The following NDUFS4 variants were observed in gnomAD, a reference collection of about 807,000 sequenced individuals.
NDUFS4 encodes NADH dehydrogenase [ubiquinone] iron-sulfur protein 4, mitochondrial.
A neutral mutation model predicts 24.3 loss-of-function variants in NDUFS4; 28 were observed. The ratio of observed to expected loss-of-function variants is 1.15; its 90% CI spans 0.85 to 1.58. The LOEUF is 1.58. NDUFS4 is among the 40% of genes most tolerant of loss of function. The pLI is 0.00. For missense variants in NDUFS4, 223 were observed against 207.9 expected (o/e 1.07, Z -0.45); for synonymous variants, 93 against 69.7 (o/e 1.34, Z -1.67).
intron 1 of NDUFS4, among the ~76,000 whole-genome samples, chr5:53,569,888 AC>A (rs1391172190): frequency 1.3e-5 from 2 of 152,104 alleles, no homozygotes; most frequent in African/African-American, 4.8e-5. Flanking sequence ...TATGTACTGT[AC>A]TTTTATTTAA....
intron 1 of NDUFS4, among the ~76,000 whole-genome samples, chr5:53,572,793 T>G (rs1323862426): frequency 6.6e-6 from 1 of 151,640 alleles, no homozygotes; most frequent in East Asian, 2.0e-4. Flanking sequence ...TACAGGCATG[T>G]GCCACCATGC....
chr5:53,659,886 C>T (rs1475396902), intron 4 of NDUFS4, among the ~76,000 whole-genome samples: 3 of 152,080 alleles, frequency 2.0e-5, no homozygotes, highest in Non-Finnish European at 4.4e-5. Flanking sequence ...TCTATTTCCT[C>T]ATACGTGCAA....
chr5:53,659,242 T>C (rs1213076004), intron 4 of NDUFS4, among the ~76,000 whole-genome samples: 5 of 152,198 alleles, frequency 3.3e-5, no homozygotes, highest in Non-Finnish European at 7.4e-5. Flanking sequence ...TTGATCTTGC[T>C]ATCAACAAAA....
At chr5:53,568,523 T>C (rs1004028793) in intron 1 of NDUFS4, among the ~76,000 whole-genome samples, 1 of 152,204 alleles carries the variant, frequency 6.6e-6, no homozygotes, top group African/African-American at 2.4e-5. Context: ...TTTATGCTTT[T>C]CACCCATGCA....
intron 1 of NDUFS4, among the ~76,000 whole-genome samples, chr5:53,597,123 A>T (rs256081): frequency 0.23 from 34,437 of 151,944 alleles, 4,770 homozygotes; most frequent in East Asian, 0.46. Context: ...TTCATGTCCA[A>T]CATACCTCAC....
intron 4 of NDUFS4, among the ~76,000 whole-genome samples, chr5:53,667,380 G>A (rs185372573): frequency 1.1e-3 from 166 of 151,756 alleles, no homozygotes; most frequent in African/African-American, 3.7e-3. Context: ...CAGGAGAATC[G>A]CTTGAACCCG....
At chr5:53,583,908 A>G (rs1450701337) in intron 1 of NDUFS4, among the ~76,000 whole-genome samples, 3 of 152,240 alleles carry the variant, frequency 2.0e-5, no homozygotes, top group Non-Finnish European at 4.4e-5. Context: ...GCACATAATA[A>G]GTACAAAATG....
chr5:53,632,164 G>A (rs572835893), intron 2 of NDUFS4, among the ~76,000 whole-genome samples: 10 of 152,182 alleles, frequency 6.6e-5, no homozygotes, highest in Non-Finnish European at 1.3e-4. Context: ...TGGCCATCTT[G>A]CCAGAAAATA....
At chr5:53,593,379 T>C (rs1750034742) in intron 1 of NDUFS4, among the ~76,000 whole-genome samples, 2 of 151,864 alleles carry the variant, frequency 1.3e-5, no homozygotes, top group African/African-American at 4.8e-5. Context: ...ATGATACCTG[T>C]TTCATTTTAT....
intron 2 of NDUFS4, among the ~76,000 whole-genome samples, chr5:53,609,274 C>T (rs747762472): frequency 1.2e-4 from 18 of 152,206 alleles, no homozygotes; most frequent in Non-Finnish European, 2.2e-4. Context: ...CAAAATTACT[C>T]CTTGGTCCAC....
intron 2 of NDUFS4, among the ~76,000 whole-genome samples, chr5:53,641,289 C>T (rs1234913351): frequency 2.6e-5 from 4 of 152,058 alleles, no homozygotes; most frequent in African/African-American, 9.7e-5. Context: ...CCAAGGCTTT[C>T]CTGCTCAGAA....
intron 1 of NDUFS4, among the ~76,000 whole-genome samples, chr5:53,562,655 G>C (rs1748885461): frequency 6.6e-6 from 1 of 151,978 alleles, no homozygotes; most frequent in Non-Finnish European, 1.5e-5. Context: ...TTTACCCTAA[G>C]AGCTTGTCAT....
intron 2 of NDUFS4, among the ~76,000 whole-genome samples, chr5:53,621,793 C>T (rs536906559): frequency 6.7e-6 from 1 of 150,092 alleles, no homozygotes; most frequent in East Asian, 2.0e-4. Context: ...GCTCCGCCTC[C>T]CGGGTTCACG....
intron 4 of NDUFS4, among the ~76,000 whole-genome samples, chr5:53,672,278 A>G (rs545591405): frequency 4.6e-5 from 7 of 152,290 alleles, no homozygotes; most frequent in Admixed American, 1.3e-4. Context: ...CATGACTTTC[A>G]TATAGGTATA....
At chr5:53,599,683 T>G (rs993771856) in intron 1 of NDUFS4, among the ~76,000 whole-genome samples, 1 of 152,188 alleles carries the variant, frequency 6.6e-6, no homozygotes, top group Non-Finnish European at 1.5e-5. Context: ...CTTTTAGATG[T>G]TGATTCCTTA....
At chr5:53,609,794 A>G (rs1750641570) in intron 2 of NDUFS4, among the ~76,000 whole-genome samples, 1 of 114,972 alleles carries the variant, frequency 8.7e-6, no homozygotes, top group South Asian at 3.2e-4. Context: ...TTGCACTTTT[A>G]TATTATATAG....
chr5:53,662,397 A>G (rs1752370497), intron 4 of NDUFS4, among the ~76,000 whole-genome samples: 1 of 152,172 alleles, frequency 6.6e-6, no homozygotes, highest in Non-Finnish European at 1.5e-5. Flanking sequence ...TCGGTTTGCC[A>G]GTATTTTATT....
intron 4 of NDUFS4, among the ~76,000 whole-genome samples, chr5:53,681,281 T>G (rs1740655678): frequency 6.6e-6 from 1 of 152,112 alleles, no homozygotes; most frequent in Non-Finnish European, 1.5e-5. Context: ...TTACCTAACC[T>G]CTCTGAGCCT....
chr5:53,671,290 C>A (rs1269216721), intron 4 of NDUFS4, among the ~76,000 whole-genome samples: 1 of 152,024 alleles, frequency 6.6e-6, no homozygotes, highest in East Asian at 1.9e-4. Flanking sequence ...CAGCTTATAT[C>A]TTTTTTGCAT....
Sources: allele counts gnomAD v4.1 joint callset (sites outside exome capture counted in the v4.1 genomes callset), GRCh38; gene constraint gnomAD v4.1.1; transcripts MANE v1.5; gene names NCBI Gene and HGNC (gene_info 2026-07-23, HGNC 2026-07-21).